Variants in LSAMP observed in about 807,000 individuals in gnomAD.
LSAMP encodes the protein limbic system-associated membrane protein.
In LSAMP, 7 loss-of-function variants were observed where a neutral mutation model predicts 38.6. That is an observed-to-expected ratio of 0.18 (90% CI 0.10 to 0.34). LSAMP has a LOEUF of 0.34. Among genes scored for constraint, LSAMP ranks in the 10% least tolerant of loss-of-function variants. The pLI is 1.00. For synonymous variants in LSAMP, 154 were observed against 166.8 expected (o/e 0.92, Z 0.59); for missense variants, 313 against 420.0 (o/e 0.75, Z 2.23).
chr3:116,359,593 T>C (rs921540091), intron 1 of LSAMP, among the ~76,000 whole-genome samples: 1 of 152,194 alleles, frequency 6.6e-6, no homozygotes, highest in Non-Finnish European at 1.5e-5. Context: ...TATTTTTAAG[T>C]TCAGGGGTAC....
chr3:115,962,894 A>G (rs1470928322), intron 3 of LSAMP, among the ~76,000 whole-genome samples: 1 of 152,204 alleles, frequency 6.6e-6, no homozygotes, highest in Non-Finnish European at 1.5e-5. Flanking sequence ...AGGAAACAGT[A>G]TCATCCTCTA....
At chr3:116,442,726 G>A (rs1371940964) in intron 1 of LSAMP, among the ~76,000 whole-genome samples, 1 of 152,168 alleles carries the variant, frequency 6.6e-6, no homozygotes, top group Non-Finnish European at 1.5e-5. Flanking sequence ...TTATTTGCAT[G>A]CTCTGTTTGT....
In LSAMP at chr3:116,145,135, C is replaced by T. The variant is rs375936350; in HGVS notation, c.156-58579G>A. Among the ~76,000 whole-genome samples, 33 of 151,864 alleles carry T rather than the reference C, an allele frequency of 2.2e-4. No individual in the cohort carries two copies. The East Asian group carries it at 2.5e-3, about 12-fold the overall frequency. On this transcript the variant is annotated intron_variant, in intron 1 of 6. Coordinates refer to ENST00000490035, the MANE Select transcript of LSAMP (RefSeq NM_002338.5). ...TGTGGAAATTTGCTTTTGTTTATTT[C>T]GCAAATAGACTTTTTCTATTTGAAT...
At chr3:116,216,628 C>A (rs2046223760) in intron 1 of LSAMP, among the ~76,000 whole-genome samples, 1 of 150,992 alleles carries the variant, frequency 6.6e-6, no homozygotes, top group Non-Finnish European at 1.5e-5. Context: ...CACAAAAAAA[C>A]TGTTTAGGAA....
chr3:116,228,834 G>A (rs1287138754), intron 1 of LSAMP, among the ~76,000 whole-genome samples: 3 of 152,046 alleles, frequency 2.0e-5, no homozygotes, highest in Non-Finnish European at 4.4e-5. Context: ...GAAACCTGGA[G>A]GCATTAGGGA....
At position 115,825,946 on chromosome 3, in the gene LSAMP, C is replaced by T. The variant is rs73140479; in HGVS notation, c.920-15532G>A. ...TTTTGTAAACAGGCCAGATGCAAGA[C>T]AGGATAAACTCTTACGTAAAAAATA... On this transcript the variant is annotated intron_variant, in intron 6 of 6. Coordinates refer to ENST00000490035, the MANE Select transcript of LSAMP (RefSeq NM_002338.5). Among the ~76,000 whole-genome samples, 213 of 152,170 alleles carry T rather than the reference C, an allele frequency of 1.4e-3. 1 individual carries two copies. The highest frequency in any genetic ancestry group is 4.4e-3 in the Admixed American group (68 of 15,292).
intron 1 of LSAMP, among the ~76,000 whole-genome samples, chr3:116,133,858 G>A (rs1709187862): frequency 6.6e-6 from 1 of 152,138 alleles, no homozygotes; most frequent in Admixed American, 6.5e-5. Flanking sequence ...TCCAAGGTGA[G>A]TTCTCCTTCC....
rs780953713 is a variant in LSAMP, at chr3:116,046,792, A to G, written c.389-27152T>C. ...TAAAGGCAAAACAAGAGTGCTCCAG[A>G]TACCAACAGGGCCAAAACACACATG... is the stretch of plus-strand genomic sequence containing the variant. On this transcript the variant is annotated intron_variant, in intron 2 of 6. Coordinates refer to ENST00000490035, the MANE Select transcript of LSAMP (RefSeq NM_002338.5). Among the ~76,000 whole-genome samples, 6 of 152,340 alleles carry G rather than the reference A, an allele frequency of 3.9e-5. No individual in the cohort carries two copies. The East Asian group carries it at 1.2e-3, about 29-fold the overall frequency.
At position 116,204,387 on chromosome 3, in the gene LSAMP, C is replaced by A. The variant is rs1245700438; in HGVS notation, c.156-117831G>T. On this transcript the variant is annotated intron_variant, in intron 1 of 6. Coordinates refer to ENST00000490035, the MANE Select transcript of LSAMP (RefSeq NM_002338.5). ...TCTGATGGTAGTTTCTTTTGCTGTG[C>A]AGAAGCTCTTTAGTTTAATTAAACC... 2.6e-5 allele frequency among the ~76,000 whole-genome samples: 4 copies of A among 152,260 alleles called. No individual in the cohort carries two copies. The East Asian group carries it at 7.7e-4, about 29-fold the overall frequency.
At chr3:115,903,385 G>A (rs1160932046) in intron 3 of LSAMP, among the ~76,000 whole-genome samples, 1 of 152,020 alleles carries the variant, frequency 6.6e-6, no homozygotes, top group East Asian at 1.9e-4. Flanking sequence ...GTCACCAATC[G>A]GTACTAGACT....
At chr3:116,207,818 C>A (rs1198126860) in intron 1 of LSAMP, among the ~76,000 whole-genome samples, 3 of 152,220 alleles carry the variant, frequency 2.0e-5, no homozygotes, top group Admixed American at 2.0e-4. Flanking sequence ...CCCGACCTTT[C>A]TCTTTGGCTG....
chr3:116,034,533 C>A (rs1941004493), intron 2 of LSAMP, among the ~76,000 whole-genome samples: 1 of 152,070 alleles, frequency 6.6e-6, no homozygotes. Flanking sequence ...AAGCACAGTG[C>A]CTAGTTTGAT....
intron 1 of LSAMP, among the ~76,000 whole-genome samples, chr3:116,134,095 G>T (rs1249293995): frequency 3.9e-5 from 6 of 152,004 alleles, no homozygotes; most frequent in Admixed American, 3.9e-4. Context: ...GTCTCATTTG[G>T]ATTGATTTAG....
At chr3:115,843,155 C>A (rs1516523) in intron 4 of LSAMP, among the ~76,000 whole-genome samples, 23,859 of 152,206 alleles carry the variant, frequency 0.16, 2,307 homozygotes, top group Non-Finnish European at 0.22. Flanking sequence ...GTTCCCTTAT[C>A]ACCACAACCC....
intron 1 of LSAMP, among the ~76,000 whole-genome samples, chr3:116,144,567 T>TTG (rs1355012828): frequency 6.6e-6 from 1 of 151,204 alleles, no homozygotes; most frequent in Non-Finnish European, 1.5e-5. Context: ...CCTTACTTTT[T>TTG]TTTTTTTTTG....
chr3:116,355,463 G>A (rs1206932495), intron 1 of LSAMP, among the ~76,000 whole-genome samples: 1 of 152,140 alleles, frequency 6.6e-6, no homozygotes, highest in Non-Finnish European at 1.5e-5. Context: ...ATTTAAATGT[G>A]AGACCTGAAA....
chr3:116,033,325 T>C (rs1007302679), intron 2 of LSAMP, among the ~76,000 whole-genome samples: 12 of 152,114 alleles, frequency 7.9e-5, no homozygotes, highest in African/African-American at 2.4e-4. Flanking sequence ...GGGGCAAGCC[T>C]CTCATTAATC....
At chr3:115,977,921 TA>T (rs1057039146) in intron 3 of LSAMP, among the ~76,000 whole-genome samples, 1 of 152,078 alleles carries the variant, frequency 6.6e-6, no homozygotes, top group Non-Finnish European at 1.5e-5. Context: ...CCTAAGTTAT[TA>T]AAAAAATGGT....
intron 6 of LSAMP, among the ~76,000 whole-genome samples, chr3:115,825,962 G>A (rs1044381666): frequency 3.3e-5 from 5 of 152,094 alleles, no homozygotes; most frequent in East Asian, 1.9e-4. Flanking sequence ...AAACTCTTAC[G>A]TAAAAAATAT....
Sources: gnomAD v4.1 joint callset for allele counts (sites outside exome capture counted in the v4.1 genomes callset) on GRCh38, gnomAD v4.1.1 for gene constraint, MANE v1.5 for transcripts, NCBI Gene and HGNC (gene_info 2026-07-23, HGNC 2026-07-21) for gene names.